AP2A2: variants seen among roughly 807,000 people sequenced by gnomAD.
AP2A2 encodes the protein adaptor related protein complex 2 subunit alpha 2.
AP2A2 carries 32 observed loss-of-function variants against 104.2 expected under a neutral mutation model. That is an observed-to-expected ratio of 0.31 (90% CI 0.23 to 0.41). AP2A2 has a LOEUF of 0.41. AP2A2 is among the 10% of genes least tolerant of loss of function. The pLI is 1.00. For missense variants in AP2A2, 912 were observed against 1,261.0 expected (o/e 0.72, Z 4.19); for synonymous variants, 539 against 533.3 (o/e 1.01, Z -0.15).
intron 1 of AP2A2, among the ~76,000 whole-genome samples, chr11:951,512 G>A (rs1405369935): frequency 6.6e-6 from 1 of 152,072 alleles, no homozygotes; most frequent in Non-Finnish European, 1.5e-5. Flanking sequence ...GGGTGACAGG[G>A]CGAGACTCCG....
intron 21 of AP2A2, 84 bp downstream of exon 21, chr11:1,009,901 A>C: frequency 6.9e-7 from 1 of 1,448,622 alleles, no homozygotes. Context: ...GTAGCTCTTT[A>C]GTGCAGTTCA....
At chr11:979,706 C>T (rs188180488) in intron 5 of AP2A2, among the ~76,000 whole-genome samples, 37 of 152,216 alleles carry the variant, frequency 2.4e-4, no homozygotes, top group South Asian at 1.4e-3. Flanking sequence ...GGATTACAGG[C>T]GAGGCGAGTG....
intron 10 of AP2A2, 79 bp downstream of exon 10, chr11:988,768 T>G: frequency 6.5e-7 from 1 of 1,547,050 alleles, no homozygotes; most frequent in Non-Finnish European, 8.9e-7. Context: ...TGCTCTGCGA[T>G]TCCGTCCAGC....
In AP2A2 at chr11:972,227, G is replaced by A; in HGVS notation, c.445G>A (p.Gly149Arg). Residue 149 changes from glycine to arginine, a missense_variant, in exon 4 of 22, where the codon GGG becomes AGG. This residue lies in a region of AP2A2 where 350 missense variants were observed against 487.0 expected (regional missense o/e 0.72). Coordinates refer to ENST00000448903, the MANE Select transcript of AP2A2 (RefSeq NM_012305.4). ...CCGGGAGATGGCCGAGGCCTTCGCC[G>A]GGGAGATCCCTAAGGTCCTCGTAGC... ...GSREMAEAFA[G>R]EIPKVLVAGD... 3 of 1,606,548 alleles carry A rather than the reference G, an allele frequency of 1.9e-6. No individual in the cohort carries two copies. Among genetic ancestry groups the A allele is most frequent in the Non-Finnish European group, 1.7e-6 (2 of 1,178,500 alleles).
chr11:932,148 T>C (rs1235154302), intron 1 of AP2A2, among the ~76,000 whole-genome samples: 1 of 152,186 alleles, frequency 6.6e-6, no homozygotes, highest in Non-Finnish European at 1.5e-5. Flanking sequence ...AGACGTGGTT[T>C]CACCAAGTTG....
intron 1 of AP2A2, chr11:943,032 T>C (rs559965786): frequency 6.6e-6 from 1 of 152,280 alleles, no homozygotes; most frequent in Non-Finnish European, 1.5e-5. Flanking sequence ...CCGGCATGAG[T>C]CTGATTTTAT....
In AP2A2 at chr11:988,605, G is replaced by C; in HGVS notation, c.1185G>C (p.Met395Ile). 1.2e-6 allele frequency: 2 copies of C among 1,613,466 alleles called. No homozygotes were observed. Among genetic ancestry groups the C allele is most frequent in the Non-Finnish European group, 1.7e-6 (2 of 1,179,902 alleles). The change falls in exon 10 of 22, where the codon ATG becomes ATC. Residue 395 changes from methionine (M) to isoleucine (I), a missense_variant. Physicochemically the swap from Met to Ile is conservative, Grantham distance 10. Coordinates refer to ENST00000448903, the MANE Select transcript of AP2A2 (RefSeq NM_012305.4). ...GGGCCGTGGACCTCCTCTACGCCAT[G>C]TGCGACCGCAGCAACGCCCCACAGA... is the stretch of plus-strand genomic sequence containing the variant. ...RQRAVDLLYA[M>I]CDRSNAPQIV...
intron 1 of AP2A2, among the ~76,000 whole-genome samples, chr11:940,175 A>G (rs981228316): frequency 1.3e-5 from 2 of 151,532 alleles, no homozygotes; most frequent in Admixed American, 1.3e-4. Context: ...GCTGGTCTTG[A>G]ACTCCTGACC....
Position 986,876 on chromosome 11 carries a change from A to T in AP2A2, c.1054A>T (p.Met352Leu), listed in dbSNP as rs374206027. The change falls in exon 9 of 22, where the codon ATG becomes TTG. Residue 352 changes from methionine (M) to leucine (L), a missense_variant. Transcript: ENST00000448903. ...TNLRYLALESMCTLASSEFSH... is the reference protein window; with the variant it reads ...TNLRYLALESLCTLASSEFSH... ...CCTGCGCTACCTGGCCCTGGAGAGC[A>T]TGTGCACGCTGGCCAGCTCTGAGTT... 9.9e-6 allele frequency: 16 copies of T among 1,609,910 alleles called. No individual in the cohort carries two copies. The highest frequency in any genetic ancestry group is 1.3e-5 in the Non-Finnish European group (15 of 1,178,568).
rs1323711568 is a variant in AP2A2, at chr11:993,682, C to T, written c.1551-72C>T. On this transcript the variant is annotated intron_variant, in intron 12 of 21. Transcript: ENST00000448903. This position sits in a 1 kb window ranked among gnomAD's most constrained non-coding sequence, Gnocchi z 8.2. ...AGGCCAGGGGGTCTCGCCGCCGTCC[C>T]CCCCCCGCGGGGGCGTGCTGCAGCC... is the stretch of plus-strand genomic sequence containing the variant. The T allele has an allele frequency of 4.0e-6, 5 of 1,235,346 alleles. No individual in the cohort carries two copies. The highest frequency in any genetic ancestry group is 2.8e-5 in the South Asian group (2 of 71,090). The allele number at this position is 1,235,346 out of a possible 1,614,324, so 76.5% of individuals were successfully genotyped here.
chr11:994,026 T>TG (rs1855756605), intron 13 of AP2A2, 41 bp downstream of exon 13: 2 of 1,609,206 alleles, frequency 1.2e-6, no homozygotes, highest in African/African-American at 2.7e-5. Flanking sequence ...GGCTGAGGGT[T>TG]GGAGGCCAGG....
Position 992,633 on chromosome 11 carries a change from TC to T in AP2A2, c.1401del (p.Ile467MetfsTer43), listed in dbSNP as rs762072660. ...GAGGTGTGGTACCGAGTCATTCAGA[TC>T]GTCATCAACCGGGACGACGTGCAGG... is the stretch of plus-strand genomic sequence containing the variant. ...SEEVWYRVIQ[I>X]VINRDDVQGY... On this transcript the variant is annotated frameshift_variant, in exon 11 of 22. Coordinates refer to ENST00000448903, the MANE Select transcript of AP2A2 (RefSeq NM_012305.4). LOFTEE classifies it high-confidence loss of function. The surrounding 1 kb of genome is among the most constrained non-coding windows in gnomAD (Gnocchi z 6.4). 6.2e-7 allele frequency: 1 copy of T among 1,613,956 alleles called. No individual in the cohort carries two copies. Among genetic ancestry groups the T allele is most frequent in the Non-Finnish European group, 8.5e-7 (1 of 1,179,898 alleles).
rs552298136 is a variant in AP2A2, at chr11:994,254, C to T, written c.1956+9C>T. ...CCAGTACCAGCGCCGTGGTGGGTCC[C>T]TCACCTACTGTGCACCCAGACCTGT... On this transcript the variant is annotated intron_variant, in intron 14 of 21. Transcript: ENST00000448903. The T allele has an allele frequency of 3.1e-6, 5 of 1,612,388 alleles. No individual in the cohort carries two copies. The highest frequency in any genetic ancestry group is 1.7e-4 in the Middle Eastern group (1 of 6,054).
At chr11:940,968 C>T (rs1853625925) in intron 1 of AP2A2, 1 of 455,736 alleles carries the variant, frequency 2.2e-6, no homozygotes, top group Non-Finnish European at 4.4e-6. Context: ...GGGAGTCTGT[C>T]ACTGCGCTGT....
chr11:940,047 C>T lies in AP2A2; in HGVS notation c.67+13959C>T, dbSNP rs370494845. Among the ~76,000 whole-genome samples the T allele has an allele frequency of 2.5e-4, 37 of 149,630 alleles. 1 individual carries two copies. The East Asian group carries it at 6.5e-3, about 26-fold the overall frequency. The stretch of plus-strand genomic sequence containing the variant: ...CTCGGCTCACTGTAACCTCTTCTGC[C>T]GGGTTCAAGCGATTCTCCTGCCTCA... On this transcript the variant is annotated intron_variant, in intron 1 of 21. Coordinates refer to ENST00000448903, the MANE Select transcript of AP2A2 (RefSeq NM_012305.4).
At chr11:959,944 A>T (rs1480273031) in intron 2 of AP2A2, among the ~76,000 whole-genome samples, 1 of 152,170 alleles carries the variant, frequency 6.6e-6, no homozygotes, top group Non-Finnish European at 1.5e-5. Flanking sequence ...CCTTACTTTG[A>T]AGAATTGTGA....
intron 14 of AP2A2, chr11:995,488 G>T: frequency 2.2e-6 from 1 of 454,264 alleles, no homozygotes; most frequent in Non-Finnish European, 4.4e-6. Flanking sequence ...CGCAGGTCCA[G>T]TGGTGGCAAC....
At chr11:978,018 G>A (rs1486103278) in intron 5 of AP2A2, among the ~76,000 whole-genome samples, 1 of 152,200 alleles carries the variant, frequency 6.6e-6, no homozygotes, top group African/African-American at 2.4e-5. Flanking sequence ...GAGGTCATGG[G>A]ATTTTCCCGC....
At chr11:932,840 G>T in intron 1 of AP2A2, 1 of 435,570 alleles carries the variant, frequency 2.3e-6, no homozygotes, top group Non-Finnish European at 4.6e-6. Context: ...TTTTGTGCCA[G>T]ATACTTACTA....
Sources: allele counts gnomAD v4.1 joint callset (sites outside exome capture counted in the v4.1 genomes callset), GRCh38; gene constraint gnomAD v4.1.1; regional missense constraint gnomAD v4.1.1; non-coding constraint Gnocchi (gnomAD v3.1); transcripts MANE v1.5; gene names NCBI Gene and HGNC (gene_info 2026-07-23, HGNC 2026-07-21).